CHRM5: variants seen among roughly 807,000 people sequenced by gnomAD.
CHRM5 encodes the protein muscarinic acetylcholine receptor M5.
Under a neutral mutation model 39.0 loss-of-function variants are expected in CHRM5, and 18 were observed. That is an observed-to-expected ratio of 0.46 (90% CI 0.32 to 0.68). The LOEUF (loss-of-function observed/expected upper bound fraction) is 0.68, where lower values mean the gene tolerates loss of function less well. Ranked by LOEUF, CHRM5 falls within the 30% of genes least tolerant of loss-of-function variation. The pLI is 0.04. For missense variants in CHRM5, 515 were observed against 651.1 expected (o/e 0.79, Z 2.28); for synonymous variants, 241 against 246.3 (o/e 0.98, Z 0.20).
chr15:33,986,208 G>C (rs1473268810), intron 1 of CHRM5, among the ~76,000 whole-genome samples: 1 of 151,806 alleles, frequency 6.6e-6, no homozygotes, highest in Admixed American at 6.6e-5. Context: ...CCGGGTTCAC[G>C]CCATTCTCCT....
At chr15:34,049,252 C>A (rs1899840299) in intron 2 of CHRM5, among the ~76,000 whole-genome samples, 1 of 152,164 alleles carries the variant, frequency 6.6e-6, no homozygotes, top group Admixed American at 6.5e-5. Context: ...TAATAACAAA[C>A]TTCACTGAGC....
At chr15:34,008,483 C>CTTTTT (rs200355232) in intron 1 of CHRM5, among the ~76,000 whole-genome samples, 3 of 119,234 alleles carry the variant, frequency 2.5e-5, no homozygotes, top group African/African-American at 1.3e-4. Flanking sequence ...GATGAAAAAC[C>CTTTTT]TTTTTTTTTT....
chr15:34,045,710 A>G (rs1899657504), intron 1 of CHRM5, among the ~76,000 whole-genome samples: 1 of 141,722 alleles, frequency 7.1e-6, no homozygotes, highest in Non-Finnish European at 1.5e-5. Flanking sequence ...ATAAAAAAAA[A>G]AAGGTGTTTC....
intron 1 of CHRM5, chr15:34,006,950 C>A (rs769292318): frequency 1.9e-6 from 1 of 526,204 alleles, no homozygotes; most frequent in Non-Finnish European, 2.4e-6. Flanking sequence ...AAATACTGAT[C>A]AGAAAACAAG....
intron 1 of CHRM5, among the ~76,000 whole-genome samples, chr15:34,044,668 T>G (rs1899619173): frequency 6.6e-6 from 1 of 152,190 alleles, no homozygotes; most frequent in African/African-American, 2.4e-5. Flanking sequence ...CCCCATAGCC[T>G]GTGGCAGGAG....
Position 34,065,647 on chromosome 15 carries a change from A to G in CHRM5, c.*1331A>G, listed in dbSNP as rs1900490802. 1 of 152,190 alleles carries G rather than the reference A, an allele frequency of 6.6e-6. No homozygotes were observed. The highest frequency in any genetic ancestry group is 1.5e-5 in the Non-Finnish European group (1 of 68,030). 9.4% of individuals were successfully genotyped at this position (152,190 alleles called of 1,614,324 possible). ...AAAGTGTAGGTCATAGTAATACATA[A>G]AAATAAAACAGTTGACATGCATGAC... is the stretch of plus-strand genomic sequence containing the variant. On this transcript the variant is annotated 3_prime_UTR_variant, in exon 3 of 3. Transcript: ENST00000383263.
intron 1 of CHRM5, among the ~76,000 whole-genome samples, chr15:34,034,800 G>C (rs967467551): frequency 2.6e-5 from 4 of 152,196 alleles, no homozygotes; most frequent in African/African-American, 9.7e-5. Flanking sequence ...CAATTTCATG[G>C]ATTACCAAGA....
At chr15:33,992,243 A>G (rs751341578) in intron 1 of CHRM5, among the ~76,000 whole-genome samples, 3 of 152,198 alleles carry the variant, frequency 2.0e-5, no homozygotes, top group Non-Finnish European at 2.9e-5. Flanking sequence ...CAAAACAGTT[A>G]GCTGGGCGTG....
At chr15:34,032,703 C>T (rs917088133) in intron 1 of CHRM5, among the ~76,000 whole-genome samples, 5 of 152,176 alleles carry the variant, frequency 3.3e-5, no homozygotes, top group African/African-American at 1.2e-4. Flanking sequence ...TCAAGATCCA[C>T]GGTCTTTCCC....
chr15:34,001,301 C>T (rs1420839774), intron 1 of CHRM5, among the ~76,000 whole-genome samples: 3 of 152,012 alleles, frequency 2.0e-5, no homozygotes, highest in Non-Finnish European at 4.4e-5. Context: ...GGATTACAGG[C>T]GTGAGCCACC....
At chr15:34,018,663 T>C (rs1048201785) in intron 1 of CHRM5, among the ~76,000 whole-genome samples, 1 of 152,164 alleles carries the variant, frequency 6.6e-6, no homozygotes, top group Non-Finnish European at 1.5e-5. Context: ...TTCCACAGAA[T>C]GGAAAGGGAC....
intron 1 of CHRM5, among the ~76,000 whole-genome samples, chr15:33,985,248 C>T (rs1896372711): frequency 6.6e-6 from 1 of 150,456 alleles, no homozygotes; most frequent in Non-Finnish European, 1.5e-5. Flanking sequence ...GTGTCTCTGG[C>T]AAAAGGAGTA....
intron 1 of CHRM5, among the ~76,000 whole-genome samples, chr15:33,985,301 G>A (rs374355667): frequency 7.5e-5 from 8 of 106,754 alleles, no homozygotes; most frequent in Middle Eastern, 4.9e-3. Context: ...CATTGCCCCC[G>A]TCTCAGAGTG....
At chr15:33,989,959 T>A (rs1456806350) in intron 1 of CHRM5, among the ~76,000 whole-genome samples, 3 of 151,200 alleles carry the variant, frequency 2.0e-5, no homozygotes, top group African/African-American at 7.3e-5. Flanking sequence ...ATCCCAGCAC[T>A]TTGGGAGGCC....
intron 1 of CHRM5, among the ~76,000 whole-genome samples, chr15:34,015,599 G>C (rs1897863135): frequency 6.6e-6 from 1 of 152,040 alleles, no homozygotes; most frequent in Non-Finnish European, 1.5e-5. Flanking sequence ...TCCACCCTCG[G>C]TCTTTAGGAG....
At chr15:33,977,761 G>C (rs1419717940) in intron 1 of CHRM5, among the ~76,000 whole-genome samples, 2 of 152,022 alleles carry the variant, frequency 1.3e-5, no homozygotes, top group African/African-American at 4.8e-5. Flanking sequence ...TGGCAAAACA[G>C]CCAGGTTTGA....
intron 1 of CHRM5, chr15:34,003,304 TA>T: frequency 1.0e-6 from 1 of 1,000,696 alleles, no homozygotes; most frequent in Non-Finnish European, 1.5e-6. Context: ...GACATAACAA[TA>T]AAAAGCAATA....
chr15:33,974,945 C>A (rs1211343626), intron 1 of CHRM5, among the ~76,000 whole-genome samples: 1 of 152,156 alleles, frequency 6.6e-6, no homozygotes, highest in Non-Finnish European at 1.5e-5. Flanking sequence ...ACGCTCCAGC[C>A]TGAGCAACAA....
At chr15:34,023,445 G>A (rs899012388) in intron 1 of CHRM5, among the ~76,000 whole-genome samples, 1 of 152,090 alleles carries the variant, frequency 6.6e-6, no homozygotes, top group East Asian at 1.9e-4. Context: ...AATGATAGCC[G>A]ATACACACCA....
Sources: allele counts gnomAD v4.1 joint callset (sites outside exome capture counted in the v4.1 genomes callset), GRCh38; gene constraint gnomAD v4.1.1; transcripts MANE v1.5; gene names NCBI Gene and HGNC (gene_info 2026-07-23, HGNC 2026-07-21).